Variants in KCNAB2 observed in about 807,000 individuals in gnomAD.
KCNAB2 encodes the protein potassium voltage-gated channel subfamily A regulatory beta subunit 2, also known as voltage-gated potassium channel subunit beta-2.
In KCNAB2, 29 loss-of-function variants were observed where a neutral mutation model predicts 63.6. The ratio of observed to expected loss-of-function variants is 0.46; its 90% CI spans 0.34 to 0.62. KCNAB2 has a LOEUF of 0.62. Ranked by LOEUF, KCNAB2 falls within the 20% of genes least tolerant of loss-of-function variation. KCNAB2 has a pLI of 0.01. For synonymous variants in KCNAB2, 222 were observed against 224.2 expected (o/e 0.99, Z 0.09); for missense variants, 359 against 563.9 (o/e 0.64, Z 3.68).
upstream of KCNAB2, among the ~76,000 whole-genome samples, chr1:6,033,023 A>G (rs1323862526): frequency 6.6e-6 from 1 of 152,246 alleles, no homozygotes; most frequent in Admixed American, 6.5e-5. Context: ...TATTTTTGGA[A>G]TAATTGGGAA....
At chr1:6,029,952 T>C (rs1409228173), upstream of KCNAB2, among the ~76,000 whole-genome samples, 1 of 152,256 alleles carries the variant, frequency 6.6e-6, no homozygotes, top group Non-Finnish European at 1.5e-5. Flanking sequence ...GTACCGACTT[T>C]GGATCAAGAC....
At chr1:6,010,214 T>C (rs1387431189) in intron 1 of KCNAB2, among the ~76,000 whole-genome samples, 1 of 152,170 alleles carries the variant, frequency 6.6e-6, no homozygotes, top group Non-Finnish European at 1.5e-5. Flanking sequence ...CCTTTTTAGT[T>C]AGTTAAACTT....
chr1:6,051,051 C>T (rs1366298019), intron 1 of KCNAB2, among the ~76,000 whole-genome samples: 1 of 152,248 alleles, frequency 6.6e-6, no homozygotes, highest in Non-Finnish European at 1.5e-5. Flanking sequence ...CCCTGCGCTG[C>T]TTTCCCAGGG....
Position 6,098,467 on chromosome 1 carries a change from T to C in KCNAB2, c.1159-18T>C. 6.2e-7 allele frequency: 1 copy of C among 1,613,448 alleles called. No individual in the cohort carries two copies. The highest frequency in any genetic ancestry group is 8.5e-7 in the Non-Finnish European group (1 of 1,179,666). ...TCTTGTTGGTGGGATTCTGATTTGT[T>C]GTTGTTCTTGCACGCAGGTCCTTCC... On this transcript the variant is annotated intron_variant, in intron 15 of 15. Coordinates refer to ENST00000378083, the MANE Select transcript of KCNAB2 (RefSeq NM_001199862.2).
At position 6,087,541 on chromosome 1, in the gene KCNAB2, C is replaced by A. The variant is rs1664806279; in HGVS notation, c.470+30C>A. ...GTGCAACAGCTGGCGATGCTTCCAG[C>A]CCCGGCCCAGCAGCCACGGCCCCGT... On this transcript the variant is annotated intron_variant, in intron 7 of 15. Coordinates refer to ENST00000378083, the MANE Select transcript of KCNAB2 (RefSeq NM_001199862.2). The surrounding 1 kb of genome is among the most constrained non-coding windows in gnomAD (Gnocchi z 6.4). The A allele has an allele frequency of 1.2e-6, 2 of 1,612,912 alleles. No individual in the cohort carries two copies. The highest frequency in any genetic ancestry group is 1.3e-5 in the African/African-American group (1 of 74,930).
intron 12 of KCNAB2, 29 bp from the exon 13 acceptor site, chr1:6,095,501 G>A (rs375653827): frequency 5.6e-5 from 90 of 1,612,064 alleles, no homozygotes; most frequent in Non-Finnish European, 7.4e-5. Flanking sequence ...CGGGCCCAGG[G>A]CTTGACTCCA....
chr1:6,000,035 C>T (rs547895395), intron 1 of KCNAB2, among the ~76,000 whole-genome samples: 5 of 151,262 alleles, frequency 3.3e-5, no homozygotes, highest in African/African-American at 1.2e-4. Context: ...GCCGTCCGTG[C>T]CCCGTCTGCA....
intron 1 of KCNAB2, among the ~76,000 whole-genome samples, chr1:5,993,084 C>T (rs929690378): frequency 5.8e-5 from 8 of 138,002 alleles, no homozygotes; most frequent in Non-Finnish European, 9.3e-5. Context: ...CGTCCCTCTT[C>T]CCGGTGCACC....
At position 6,073,980 on chromosome 1, in the gene KCNAB2, T is replaced by C. The variant is rs957364271; in HGVS notation, c.300+210T>C. 3 of 594,058 alleles carry C rather than the reference T, an allele frequency of 5.1e-6. No individual in the cohort carries two copies. Among genetic ancestry groups the C allele is most frequent in the Admixed American group, 5.8e-5 (2 of 34,704 alleles). The allele number at this position is 594,058 out of a possible 1,614,324, so 36.8% of individuals were successfully genotyped here. ...TGGCCAGAGGGGATGCCGAGTCTGG[T>C]GCCATCACCCAGCAGTGGATGCCTC... On this transcript the variant is annotated intron_variant, in intron 4 of 15. Coordinates refer to ENST00000378083, the MANE Select transcript of KCNAB2 (RefSeq NM_001199862.2). The surrounding 1 kb of genome is among the most constrained non-coding windows in gnomAD (Gnocchi z 5.7).
chr1:6,068,950 C>T (rs1662973463), intron 2 of KCNAB2, among the ~76,000 whole-genome samples: 4 of 152,178 alleles, frequency 2.6e-5, no homozygotes, highest in African/African-American at 4.8e-5. Flanking sequence ...TGTAGGATGG[C>T]GGGAGGCCAA....
At chr1:6,032,816 C>A (rs993407553), upstream of KCNAB2, among the ~76,000 whole-genome samples, 2 of 152,142 alleles carry the variant, frequency 1.3e-5, no homozygotes, top group African/African-American at 4.8e-5. Context: ...AATCCTGAAG[C>A]TACAATCAGA....
intron 4 of KCNAB2, among the ~76,000 whole-genome samples, chr1:6,075,927 A>T (rs1663621944): frequency 1.3e-5 from 2 of 152,180 alleles, no homozygotes; most frequent in African/African-American, 4.8e-5. Flanking sequence ...TGTCTCTATG[A>T]ACTCTGCACA....
chr1:6,070,288 A>C (rs1663088635), intron 2 of KCNAB2, among the ~76,000 whole-genome samples: 1 of 152,204 alleles, frequency 6.6e-6, no homozygotes, highest in Middle Eastern at 3.2e-3. Context: ...AGAGGCACTG[A>C]TCAGAACCTC....
At chr1:6,081,608 C>T (rs576300269) in intron 4 of KCNAB2, among the ~76,000 whole-genome samples, 1 of 152,280 alleles carries the variant, frequency 6.6e-6, no homozygotes, top group South Asian at 2.1e-4. Flanking sequence ...TGTAAAGGCT[C>T]GGGGGAGGGT....
intron 9 of KCNAB2, 135 bp from the exon 10 acceptor site, chr1:6,091,128 T>C: frequency 2.9e-6 from 2 of 698,204 alleles, no homozygotes; most frequent in South Asian, 1.5e-5. Flanking sequence ...TGTGTTGATA[T>C]ATTTTTTTCC....
At chr1:6,068,574 G>A (rs564558406) in intron 2 of KCNAB2, among the ~76,000 whole-genome samples, 1 of 152,316 alleles carries the variant, frequency 6.6e-6, no homozygotes, top group East Asian at 1.9e-4. Flanking sequence ...TCATAGCCCT[G>A]TAGGATGAGG....
upstream of KCNAB2, among the ~76,000 whole-genome samples, chr1:6,043,980 C>T (rs1026006943): frequency 1.3e-5 from 2 of 152,248 alleles, no homozygotes; most frequent in African/African-American, 4.8e-5. Context: ...TGTCCTCCAT[C>T]TTCCCATGCT....
intron 3 of KCNAB2, 152 bp downstream of exon 3, chr1:6,072,950 G>A: frequency 1.6e-6 from 1 of 615,116 alleles, no homozygotes; most frequent in East Asian, 2.9e-5. Context: ...ATTCAGGGGG[G>A]CTCGGTTGCC....
At chr1:6,037,719 T>G (rs997597134) in intron 1 of KCNAB2, among the ~76,000 whole-genome samples, 2 of 152,126 alleles carry the variant, frequency 1.3e-5, no homozygotes, top group African/African-American at 4.8e-5. Context: ...ATGCGTGAGC[T>G]GCTAATGGGC....
Sources: gnomAD v4.1 joint callset for allele counts (sites outside exome capture counted in the v4.1 genomes callset) on GRCh38, gnomAD v4.1.1 for gene constraint, Gnocchi (gnomAD v3.1) non-coding constraint, MANE v1.5 for transcripts, NCBI Gene and HGNC (gene_info 2026-07-23, HGNC 2026-07-21) for gene names.